Variants in PTPRS observed in about 807,000 individuals in gnomAD.
PTPRS encodes protein tyrosine phosphatase receptor type S, also known as receptor-type tyrosine-protein phosphatase S.
PTPRS carries 63 observed loss-of-function variants against 215.3 expected under a neutral mutation model. The ratio of observed to expected loss-of-function variants is 0.29; its 90% confidence interval spans 0.24 to 0.36. The LOEUF (loss-of-function observed/expected upper bound fraction) is 0.36, where lower values mean the gene tolerates loss of function less well. Ranked by LOEUF, PTPRS falls within the 10% of genes least tolerant of loss-of-function variation. The probability of loss-of-function intolerance (pLI) is 1.00; values close to 1 mark genes in which losing one functional copy is unlikely to be tolerated. For synonymous variants in PTPRS, 1,404 were observed against 1,191.4 expected, an observed-to-expected ratio of 1.18 and a Z score of -3.68; for missense variants, 2,258 against 2,825.8, an observed-to-expected ratio of 0.80 and a Z score of 4.56.
chr19:5,226,781 CAACT>C (rs2042541761), intron 16 of PTPRS, among the ~76,000 whole-genome samples: 1 of 151,918 alleles, frequency 6.6e-6, no homozygotes, highest in Admixed American at 6.6e-5. Context: ...AACTTACAAT[CAACT>C]AAGTTATATT....
intron 30 of PTPRS, among the ~76,000 whole-genome samples, chr19:5,213,644 G>A (rs916274847): frequency 1.8e-5 from 1 of 54,318 alleles, no homozygotes; most frequent in Admixed American, 1.7e-4. Context: ...TATAACATAT[G>A]CTTAATGTAT....
chr19:5,224,987 G>GCCCACC (rs2042347639), intron 17 of PTPRS, among the ~76,000 whole-genome samples: 1 of 151,856 alleles, frequency 6.6e-6, no homozygotes, highest in Admixed American at 6.6e-5. Context: ...AGCTTGTTCC[G>GCCCACC]CCCACCACCA....
Position 5,287,694 on chromosome 19 carries a change from G to C in PTPRS, c.-94-1460C>G, listed in dbSNP as rs539869386. 6.6e-6 allele frequency among the ~76,000 whole-genome samples: 1 copy of C among 152,274 alleles called. No homozygotes were observed. Among genetic ancestry groups the C allele is most frequent in the South Asian group, 2.1e-4 (1 of 4,824 alleles). On this transcript the variant is annotated intron_variant, in intron 1 of 37. Coordinates refer to ENST00000262963, the MANE Select transcript of PTPRS (RefSeq NM_002850.4). This position sits in a 1 kb window ranked among gnomAD's most constrained non-coding sequence, Gnocchi z 4.8. ...GGTCACCTCGCCCAGCCCTGGGGCG[G>C]TCCCAGGGGAAGGATGGGCGGGTAG...
intron 2 of PTPRS, among the ~76,000 whole-genome samples, chr19:5,278,378 C>T (rs2146705301): frequency 6.6e-6 from 1 of 152,134 alleles, no homozygotes; most frequent in Non-Finnish European, 1.5e-5. Flanking sequence ...GCCATCACGC[C>T]CAGCTAATTT....
rs374038876 is a variant in PTPRS, at chr19:5,210,718, C to T, written c.5322G>A (p.Thr1774=). The change falls in exon 34 of 38, where the codon ACG becomes ACA. Residue 1774 remains threonine (T), a synonymous_variant. Transcript: ENST00000262963. The surrounding 1 kb of genome is among the most constrained non-coding windows in gnomAD (Gnocchi z 4.5). ...FWRMLWENNS[T]IVVMLTKLRE... ...GCAGCTTGGTCAGCATCACCACGAT[C>T]GTCGAATTGTTCTCCCACAGCATGC... 312 of 1,614,212 alleles carry T rather than the reference C, an allele frequency of 1.9e-4. No homozygotes were observed. The highest frequency in any genetic ancestry group is 2.4e-4 in the Non-Finnish European group (286 of 1,180,046).
Position 5,260,903 on chromosome 19 carries a change from G to A in PTPRS, c.578-81C>T, listed in dbSNP as rs1225615554. 4 of 1,522,544 alleles carry A rather than the reference G, an allele frequency of 2.6e-6. No homozygotes were observed. In the African/African-American group the frequency reaches 5.5e-5, roughly 21 times the overall value. 94.3% of individuals were successfully genotyped at this position (1,522,544 alleles called of 1,614,324 possible). ...CGGGGGGCCCCAGGGAAGCTGGGCTGGGCCGTAAGCCAGGCCTCAGCACTC... is the reference window on the plus strand; with the variant it reads ...CGGGGGGCCCCAGGGAAGCTGGGCTAGGCCGTAAGCCAGGCCTCAGCACTC... On this transcript the variant is annotated intron_variant, in intron 6 of 37. Coordinates refer to ENST00000262963, the MANE Select transcript of PTPRS (RefSeq NM_002850.4).
chr19:5,238,452 C>T (rs917975523), intron 13 of PTPRS, among the ~76,000 whole-genome samples: 4 of 152,074 alleles, frequency 2.6e-5, no homozygotes, highest in East Asian at 3.9e-4. Flanking sequence ...GGAGGAAGAC[C>T]GACGGGGAAG....
chr19:5,264,189 A>G (rs1415095479), intron 5 of PTPRS, among the ~76,000 whole-genome samples: 1 of 49,458 alleles, frequency 2.0e-5, no homozygotes, highest in Non-Finnish European at 6.1e-5. Context: ...AGCCTTGGAG[A>G]GACTCTCTCC....
intron 1 of PTPRS, among the ~76,000 whole-genome samples, chr19:5,334,174 G>A (rs1163353215): frequency 6.6e-6 from 1 of 152,216 alleles, no homozygotes; most frequent in Non-Finnish European, 1.5e-5. Flanking sequence ...CCAGTGAAGG[G>A]GAACGCCCCA....
At chr19:5,329,061 G>A (rs910899442) in intron 1 of PTPRS, among the ~76,000 whole-genome samples, 1 of 152,214 alleles carries the variant, frequency 6.6e-6, no homozygotes, top group Non-Finnish European at 1.5e-5. Context: ...TCCTAAAGGG[G>A]TTGCAGACAG....
intron 1 of PTPRS, among the ~76,000 whole-genome samples, chr19:5,330,895 C>T (rs1466980682): frequency 2.0e-5 from 3 of 152,086 alleles, no homozygotes; most frequent in Non-Finnish European, 2.9e-5. Context: ...CCGGAAACCC[C>T]GGCAGTTCAC....
intron 17 of PTPRS, among the ~76,000 whole-genome samples, chr19:5,224,618 G>A (rs188143800): frequency 1.3e-5 from 2 of 152,216 alleles, no homozygotes; most frequent in South Asian, 2.1e-4. Context: ...GGCCTTGAAT[G>A]GACTGCTATG....
intron 1 of PTPRS, among the ~76,000 whole-genome samples, chr19:5,340,244 C>T (rs1371889671): frequency 6.7e-6 from 1 of 148,674 alleles, no homozygotes; most frequent in African/African-American, 2.5e-5. Context: ...CCGGGCCGGG[C>T]GCCGCCGGGG....
At position 5,260,836 on chromosome 19, in the gene PTPRS, A is replaced by G. The variant is rs1354275571; in HGVS notation, c.578-14T>C. On this transcript the variant is annotated splice_polypyrimidine_tract_variant and intron_variant, in intron 6 of 37. Transcript: ENST00000262963. ...TCGGAGTGCTTTCTGTAAGGGAAGC[A>G]GAGAGAACCAGGTGAATGTCACAAG... The G allele has an allele frequency of 6.2e-7, 1 of 1,612,586 alleles. No homozygotes were observed. Among genetic ancestry groups the G allele is most frequent in the African/African-American group, 1.3e-5 (1 of 74,704 alleles).
chr19:5,207,626 G>A (rs1248907626), intron 37 of PTPRS, among the ~76,000 whole-genome samples: 2 of 152,230 alleles, frequency 1.3e-5, no homozygotes, highest in South Asian at 2.1e-4. Flanking sequence ...GGACTTGGGG[G>A]TCAGTGGTTC....
Position 5,219,310 on chromosome 19 carries a change from T to C in PTPRS, c.3923A>G (p.Asn1308Ser), listed in dbSNP as rs2041767933. ...AAGTCGGGGAGGACATGGGGCTTAC[T>C]TCTTGTAGAGCAGGATAGCAATGAC... is the stretch of plus-strand genomic sequence containing the variant. ...CIVIAILLYK[N>S]KPDSKRKDSE... The change falls in exon 23 of 38, where the codon AAC (asparagine) becomes AGC (serine). Residue 1308 changes from asparagine (N) to serine (S), a missense_variant and splice_region_variant. Physicochemically the swap from Asn to Ser is conservative, Grantham distance 46. This residue lies in a region of PTPRS where 927 missense variants were observed against 1,125.9 expected (regional missense o/e 0.82). Coordinates refer to ENST00000262963, the MANE Select transcript of PTPRS (RefSeq NM_002850.4). The C allele has an allele frequency of 6.2e-7, 1 of 1,614,118 alleles. No homozygotes were observed.
chr19:5,240,163 C>G, intron 12 of PTPRS, 36 bp downstream of exon 12: 1 of 1,466,400 alleles, frequency 6.8e-7, no homozygotes, highest in Non-Finnish European at 9.1e-7. Flanking sequence ...CGGGGAGGAG[C>G]CCAGGGCAGG....
At chr19:5,262,071 G>C (rs1348300073) in intron 6 of PTPRS, among the ~76,000 whole-genome samples, 2 of 152,130 alleles carry the variant, frequency 1.3e-5, no homozygotes, top group Non-Finnish European at 2.9e-5. Flanking sequence ...TCAGGAGTTT[G>C]GGGTACCAGC....
In PTPRS at chr19:5,287,914, G is replaced by GC. The variant is rs1394053789; in HGVS notation, c.-94-1681dup. On this transcript the variant is annotated intron_variant, in intron 1 of 37. Transcript: ENST00000262963. This position sits in a 1 kb window ranked among gnomAD's most constrained non-coding sequence, Gnocchi z 4.8. ...TCAGACTGCAAGCGGTTGCATATCT[G>GC]CAAGAGACACAGAAACAAATGCATT... Among the ~76,000 whole-genome samples, 1 of 150,050 alleles carries GC rather than the reference G, an allele frequency of 6.7e-6. No homozygotes were observed. Among genetic ancestry groups the GC allele is most frequent in the East Asian group, 2.0e-4 (1 of 5,104 alleles).
Sources: allele counts gnomAD v4.1 joint callset (sites outside exome capture counted in the v4.1 genomes callset), GRCh38; gene constraint gnomAD v4.1.1; regional missense constraint gnomAD v4.1.1; non-coding constraint Gnocchi (gnomAD v3.1); transcripts MANE v1.5; gene names NCBI Gene and HGNC (gene_info 2026-07-23, HGNC 2026-07-21).